The following GDI2 variants were observed in gnomAD, a reference collection of about 807,000 sequenced individuals.
GDI2 encodes the protein GDP dissociation inhibitor 2.
In GDI2, 22 loss-of-function variants were observed where a neutral mutation model predicts 54.2. That is an observed-to-expected ratio of 0.41 (90% CI 0.29 to 0.58). The LOEUF (loss-of-function observed/expected upper bound fraction) is 0.58. Among genes scored for constraint, GDI2 ranks in the 20% least tolerant of loss-of-function variants. The probability of loss-of-function intolerance (pLI) is 0.35; values close to 1 mark genes in which losing one functional copy is unlikely to be tolerated. For synonymous variants in GDI2, 177 were observed against 182.1 expected, an observed-to-expected ratio of 0.97 and a Z score of 0.23; for missense variants, 422 against 546.0, an observed-to-expected ratio of 0.77 and a Z score of 2.26.
intron 1 of GDI2, among the ~76,000 whole-genome samples, chr10:5,801,842 C>G (rs929234728): frequency 6.6e-6 from 1 of 152,014 alleles, no homozygotes; most frequent in Non-Finnish European, 1.5e-5. Flanking sequence ...GAAACCCTGT[C>G]TCTACTAAAT....
intron 6 of GDI2, among the ~76,000 whole-genome samples, chr10:5,782,657 G>T (rs1386778486): frequency 6.6e-6 from 1 of 152,112 alleles, no homozygotes; most frequent in Non-Finnish European, 1.5e-5. Flanking sequence ...GAATTGGCCA[G>T]GCACAATGGC....
chr10:5,771,750 A>G (rs1840493771), intron 7 of GDI2, among the ~76,000 whole-genome samples: 1 of 152,212 alleles, frequency 6.6e-6, no homozygotes, highest in African/African-American at 2.4e-5. Context: ...AAAGAATGAA[A>G]CAAAAGAAAA....
At chr10:5,803,059 T>A (rs180869197) in intron 1 of GDI2, among the ~76,000 whole-genome samples, 145 of 152,356 alleles carry the variant, frequency 9.5e-4, no homozygotes, top group Non-Finnish European at 4.9e-4. Context: ...GCCTAGACAA[T>A]ATATCGCAAC....
intron 3 of GDI2, 67 bp downstream of exon 3, chr10:5,796,694 CAA>C (rs1403190821): frequency 2.5e-5 from 21 of 828,554 alleles, no homozygotes; most frequent in Non-Finnish European, 6.3e-6. Flanking sequence ...AGTACTCTGT[CAA>C]AAGTTAGTTT....
intron 1 of GDI2, among the ~76,000 whole-genome samples, chr10:5,811,024 T>C (rs1317273566): frequency 1.3e-5 from 2 of 152,188 alleles, no homozygotes; most frequent in Non-Finnish European, 2.9e-5. Context: ...CTAAAGTAAA[T>C]TTTAAGAAAA....
At chr10:5,786,083 T>C in intron 4 of GDI2, 33 bp from the exon 5 acceptor site, 1 of 1,411,962 alleles carries the variant, frequency 7.1e-7, no homozygotes, top group Non-Finnish European at 1.0e-6. Flanking sequence ...AAAAGCACAC[T>C]CACAATCAGA....
Position 5,773,714 on chromosome 10 carries a change from G to T in GDI2, c.819+128C>A, listed in dbSNP as rs1840550344. ...GCACAGCAACTGTAATTAGTCCTTA[G>T]TCACAATAAATACTAACTTCCCATA... On this transcript the variant is annotated intron_variant, in intron 7 of 10. Coordinates refer to ENST00000380191, the MANE Select transcript of GDI2 (RefSeq NM_001494.4). 3 of 629,078 alleles carry T rather than the reference G, an allele frequency of 4.8e-6. No individual in the cohort carries two copies. In the East Asian group the frequency reaches 8.4e-5, roughly 18 times the overall value. The allele number at this position is 629,078 out of a possible 1,614,324, so 39.0% of individuals were successfully genotyped here. A position where few individuals can be genotyped will look rare whatever the true frequency, so the allele number is the denominator to read the frequency against.
At chr10:5,796,242 T>C (rs538512166) in intron 3 of GDI2, among the ~76,000 whole-genome samples, 58 of 151,406 alleles carry the variant, frequency 3.8e-4, no homozygotes, top group African/African-American at 1.3e-3. Flanking sequence ...CCCAGCTACT[T>C]GGGAGGCTGA....
chr10:5,812,124 A>G (rs969822599), intron 1 of GDI2, among the ~76,000 whole-genome samples: 2 of 151,964 alleles, frequency 1.3e-5, no homozygotes, highest in Non-Finnish European at 2.9e-5. Flanking sequence ...AGCAGCCCAA[A>G]GTTAGAATTT....
intron 7 of GDI2, among the ~76,000 whole-genome samples, chr10:5,773,192 C>A (rs1840537995): frequency 6.6e-6 from 1 of 151,866 alleles, no homozygotes; most frequent in African/African-American, 2.4e-5. Flanking sequence ...TACATTCCCA[C>A]ACAGCTTAAT....
chr10:5,802,719 G>C (rs1195967271), intron 1 of GDI2, among the ~76,000 whole-genome samples: 2 of 152,102 alleles, frequency 1.3e-5, no homozygotes, highest in Non-Finnish European at 2.9e-5. Flanking sequence ...ATGATGTTTT[G>C]ATAATGTAAA....
chr10:5,795,618 GAT>G lies in GDI2; in HGVS notation c.254-601_254-600del, dbSNP rs1841129123. On this transcript the variant is annotated intron_variant, in intron 3 of 10. Coordinates refer to ENST00000380191, the MANE Select transcript of GDI2 (RefSeq NM_001494.4). ...CAAAAGCAATGAAAAATTTATTAGAGATATGAGGTTTGGAATTATAGTATTAT... is the reference window on the plus strand; with the variant it reads ...CAAAAGCAATGAAAAATTTATTAGAGATGAGGTTTGGAATTATAGTATTAT... Among the ~76,000 whole-genome samples the G allele has an allele frequency of 2.6e-5, 4 of 152,098 alleles. No individual in the cohort carries two copies. In the South Asian group the frequency reaches 8.3e-4, roughly 32 times the overall value.
intron 7 of GDI2, among the ~76,000 whole-genome samples, chr10:5,771,902 C>T (rs140928336): frequency 3.9e-4 from 59 of 152,200 alleles, no homozygotes; most frequent in African/African-American, 1.2e-3. Flanking sequence ...CCAGCCTGGC[C>T]AACATGGTGA....
At chr10:5,771,940 A>G (rs1454973284) in intron 7 of GDI2, among the ~76,000 whole-genome samples, 2 of 152,120 alleles carry the variant, frequency 1.3e-5, no homozygotes, top group Non-Finnish European at 2.9e-5. Flanking sequence ...AAATACAAAA[A>G]TTAGCTGGGC....
At chr10:5,794,800 G>T in intron 4 of GDI2, 85 bp downstream of exon 4, 1 of 882,932 alleles carries the variant, frequency 1.1e-6, no homozygotes, top group Non-Finnish European at 1.8e-6. Flanking sequence ...TGTTGACTGG[G>T]TCCTCTCTAA....
At chr10:5,800,288 C>A (rs1841239728) in intron 2 of GDI2, among the ~76,000 whole-genome samples, 1 of 152,012 alleles carries the variant, frequency 6.6e-6, no homozygotes, top group Admixed American at 6.6e-5. Context: ...AAAAAAAAAT[C>A]TTTGAGGGAC....
chr10:5,771,640 C>T (rs1840491176), intron 7 of GDI2, among the ~76,000 whole-genome samples: 1 of 146,240 alleles, frequency 6.8e-6, no homozygotes, highest in Non-Finnish European at 1.5e-5. Context: ...AAATCCTTAT[C>T]ATCTTAAGGC....
chr10:5,770,383 A>G (rs1193681668), intron 7 of GDI2, among the ~76,000 whole-genome samples: 1 of 151,954 alleles, frequency 6.6e-6, no homozygotes, highest in Non-Finnish European at 1.5e-5. Flanking sequence ...CAACATGGGG[A>G]AACCCTGTCT....
rs1365969936 is a variant in GDI2, at chr10:5,785,732, C to T, written c.587+120G>A. 3 of 657,208 alleles carry T rather than the reference C, an allele frequency of 4.6e-6. No homozygotes were observed. The African/African-American group carries it at 5.5e-5, about 12-fold the overall frequency. 40.7% of individuals were successfully genotyped at this position (657,208 alleles called of 1,614,324 possible). ...TCCCAACACTAATTTCAACTAGAAC[C>T]TCTTCATTCATAGTGCAATATGGCT... On this transcript the variant is annotated intron_variant, in intron 5 of 10. Transcript: ENST00000380191.
Sources: allele counts gnomAD v4.1 joint callset (sites outside exome capture counted in the v4.1 genomes callset), GRCh38; gene constraint gnomAD v4.1.1; transcripts MANE v1.5; gene names NCBI Gene and HGNC (gene_info 2026-07-23, HGNC 2026-07-21).